The following KIF13A variants were observed in gnomAD, a reference collection of about 807,000 sequenced individuals.
KIF13A encodes kinesin-like protein KIF13A.
Under a neutral mutation model 212.2 loss-of-function variants are expected in KIF13A, and 79 were observed. The observed-to-expected ratio is 0.37, with a 90% CI of 0.31 to 0.45. KIF13A has a LOEUF of 0.45. Ranked by LOEUF, KIF13A falls within the 20% of genes least tolerant of loss-of-function variation. The probability of loss-of-function intolerance (pLI) is 1.00; values close to 1 mark genes in which losing one functional copy is unlikely to be tolerated. For synonymous variants in KIF13A, 789 were observed against 808.6 expected, an observed-to-expected ratio of 0.98 and a Z score of 0.41; for missense variants, 1,901 against 2,209.0, an observed-to-expected ratio of 0.86 and a Z score of 2.79.
Position 17,951,599 on chromosome 6 carries a change from A to C in KIF13A, c.146+35455T>G, listed in dbSNP as rs1232188692. Among the ~76,000 whole-genome samples, 4 of 152,042 alleles carry C rather than the reference A, an allele frequency of 2.6e-5. No individual in the cohort carries two copies. The highest frequency in any genetic ancestry group is 4.4e-5 in the Non-Finnish European group (3 of 68,022). ...ACCCCCCTCAAAAAATGCCATATCC[A>C]TCGGCAGTCACTCTCCATTTCCCCC... On this transcript the variant is annotated intron_variant, in intron 2 of 38. Transcript: ENST00000259711. The surrounding 1 kb of genome is among the most constrained non-coding windows in gnomAD (Gnocchi z 4.9).
At position 17,774,634 on chromosome 6, in the gene KIF13A, G is replaced by A. The variant is rs530391053; in HGVS notation, c.4218+381C>T. Among the ~76,000 whole-genome samples the A allele has an allele frequency of 4.6e-5, 7 of 152,230 alleles. No individual in the cohort carries two copies. The East Asian group carries it at 9.6e-4, about 21-fold the overall frequency. On this transcript the variant is annotated intron_variant, in intron 35 of 38. Coordinates refer to ENST00000259711, the MANE Select transcript of KIF13A (RefSeq NM_022113.6). ...ACTAAAAATACAAAATTAGCCAGGT[G>A]TGGTGGCAAATGACTATAATCCCAG...
intron 18 of KIF13A, among the ~76,000 whole-genome samples, chr6:17,805,904 A>C (rs1762900208): frequency 6.8e-6 from 1 of 147,008 alleles, no homozygotes; most frequent in South Asian, 2.2e-4. Context: ...GTATTGTTAA[A>C]TATTCTTCAT....
In KIF13A at chr6:17,861,152, C is replaced by A. The variant is rs141813168; in HGVS notation, c.221-5030G>T. Among the ~76,000 whole-genome samples the A allele has an allele frequency of 3.3e-4, 50 of 152,126 alleles. No homozygotes were observed. In the East Asian group the frequency reaches 9.3e-3, roughly 28 times the overall value. The stretch of plus-strand genomic sequence containing the variant: ...TATTCATAATTGGAAAAGAAAAAAT[C>A]TGAGAAAAACAACATAAAAAATTGA... On this transcript the variant is annotated intron_variant, in intron 4 of 38. Transcript: ENST00000259711.
chr6:17,771,045 G>T lies in KIF13A; in HGVS notation c.4581+69C>A. On this transcript the variant is annotated intron_variant, in intron 38 of 38. Coordinates refer to ENST00000259711, the MANE Select transcript of KIF13A (RefSeq NM_022113.6). The surrounding 1 kb of genome is among the most constrained non-coding windows in gnomAD (Gnocchi z 5.4). Reference sequence around the variant, plus strand: ...ATGTCTTAATTTCTTCTAGCATTTGGATGATTGTCTGTGAAAGGGCCTTAA... The same window carrying T: ...ATGTCTTAATTTCTTCTAGCATTTGTATGATTGTCTGTGAAAGGGCCTTAA... 1 of 972,788 alleles carries T rather than the reference G, an allele frequency of 1.0e-6. No individual in the cohort carries two copies. The highest frequency in any genetic ancestry group is 1.6e-6 in the Non-Finnish European group (1 of 623,040). 60.3% of individuals were successfully genotyped at this position (972,788 alleles called of 1,614,324 possible).
At chr6:17,817,261 G>T (rs1273053024) in intron 16 of KIF13A, 28 bp from the exon 17 acceptor site, 1 of 1,597,302 alleles carries the variant, frequency 6.3e-7, no homozygotes, top group African/African-American at 1.3e-5. Flanking sequence ...AAGGCAAGGT[G>T]TCTTAGTGGC....
intron 2 of KIF13A, among the ~76,000 whole-genome samples, chr6:17,970,619 T>C (rs1779736705): frequency 6.6e-6 from 1 of 152,210 alleles, no homozygotes; most frequent in African/African-American, 2.4e-5. Flanking sequence ...TCTTTATTAA[T>C]CTTAATGCAA....
rs531460702 is a variant in KIF13A at position 17,951,073 on chromosome 6, A to G, written c.146+35981T>C. 9.3e-7 allele frequency: 1 copy of G among 1,077,118 alleles called. No homozygotes were observed. Among genetic ancestry groups the G allele is most frequent in the Non-Finnish European group, 1.1e-6 (1 of 890,820 alleles). 66.7% of individuals were successfully genotyped at this position (1,077,118 alleles called of 1,614,324 possible). On this transcript the variant is annotated intron_variant, in intron 2 of 38. Transcript: ENST00000259711. This position sits in a 1 kb window ranked among gnomAD's most constrained non-coding sequence, Gnocchi z 4.9. ...TAGTACACCTAAGGACACCTAAGGA[A>G]TTGTACTTATTATATATAACACTTT...
chr6:17,820,640 G>A lies in KIF13A; in HGVS notation c.1787-3407C>T, dbSNP rs552093244. 6.5e-4 allele frequency among the ~76,000 whole-genome samples: 99 copies of A among 152,232 alleles called. 2 individuals are homozygous for A. The highest frequency in any genetic ancestry group is 6.8e-3 in the Middle Eastern group (2 of 294). ...TTTTTCCTATCATTTTCCTTCTCTT[G>A]AATGAACTGTTTTAAATAGTGAGCC... On this transcript the variant is annotated intron_variant, in intron 16 of 38. Coordinates refer to ENST00000259711, the MANE Select transcript of KIF13A (RefSeq NM_022113.6).
In KIF13A at chr6:17,984,682, G is replaced by A. The variant is rs1229436536; in HGVS notation, c.146+2372C>T. The A allele has an allele frequency of 7.1e-6, 2 of 283,176 alleles. No homozygotes were observed. The highest frequency in any genetic ancestry group is 1.1e-5 in the Non-Finnish European group (2 of 188,264). 17.5% of individuals were successfully genotyped at this position (283,176 alleles called of 1,614,324 possible). The stretch of plus-strand genomic sequence containing the variant: ...CACTAACCTTCAATTTCTATCCATG[G>A]CTAATTCATTGGTAATTTCTTGCAA... On this transcript the variant is annotated intron_variant, in intron 2 of 38. Coordinates refer to ENST00000259711, the MANE Select transcript of KIF13A (RefSeq NM_022113.6). The surrounding 1 kb of genome is among the most constrained non-coding windows in gnomAD (Gnocchi z 5.0).
Position 17,934,052 on chromosome 6 carries a change from T to C in KIF13A, c.147-35872A>G, listed in dbSNP as rs1776241761. Reference sequence around the variant, plus strand: ...CTTTTATAACTCAATTCAATCTAAATTGTGTCGTTAGGGTCAACTTTTATT... The same window carrying C: ...CTTTTATAACTCAATTCAATCTAAACTGTGTCGTTAGGGTCAACTTTTATT... On this transcript the variant is annotated intron_variant, in intron 2 of 38. Coordinates refer to ENST00000259711, the MANE Select transcript of KIF13A (RefSeq NM_022113.6). The surrounding 1 kb of genome is among the most constrained non-coding windows in gnomAD (Gnocchi z 5.4). Among the ~76,000 whole-genome samples the C allele has an allele frequency of 6.6e-6, 1 of 152,338 alleles. No homozygotes were observed.
Position 17,837,525 on chromosome 6 carries a change from C to A in KIF13A, c.889G>T (p.Gly297Cys), listed in dbSNP as rs1175467159. The A allele has an allele frequency of 5.0e-6, 8 of 1,609,882 alleles. No individual in the cohort carries two copies. The highest frequency in any genetic ancestry group is 1.3e-5 in the African/African-American group (1 of 74,870). ...SSLADQAAGK[G>C]KSKFVPYRDS... ...CGATAAGGCACAAATTTGCTTTTAC[C>A]CTTGCCAGCTGCCTGGTCAGCCAGT... Residue 297 changes from glycine to cysteine, a missense_variant, in exon 10 of 39, where the codon GGT becomes TGT. By Grantham distance (159) the Gly-to-Cys change is radical. Around this residue, in one of 5 missense-constraint regions of KIF13A, gnomAD observed 506 missense variants for 637.4 expected, o/e 0.79. Coordinates refer to ENST00000259711, the MANE Select transcript of KIF13A (RefSeq NM_022113.6). This position sits in a 1 kb window ranked among gnomAD's most constrained non-coding sequence, Gnocchi z 5.4.
intron 38 of KIF13A, among the ~76,000 whole-genome samples, chr6:17,766,536 C>G (rs553250028): frequency 2.0e-5 from 3 of 152,150 alleles, no homozygotes; most frequent in South Asian, 2.1e-4. Flanking sequence ...CCGTGCCCGG[C>G]TAGGATTTAT....
rs1218975137 is a variant in KIF13A at position 17,984,331 on chromosome 6, A to T, written c.146+2723T>A. Among the ~76,000 whole-genome samples the T allele has an allele frequency of 6.6e-6, 1 of 152,178 alleles. No homozygotes were observed. Among genetic ancestry groups the T allele is most frequent in the Non-Finnish European group, 1.5e-5 (1 of 68,024 alleles). ...TGAGCATGGTACTGAAATGATCTGA[A>T]CTTCATAAATGTCTCCTGGAGAGCA... is the stretch of plus-strand genomic sequence containing the variant. On this transcript the variant is annotated intron_variant, in intron 2 of 38. Coordinates refer to ENST00000259711, the MANE Select transcript of KIF13A (RefSeq NM_022113.6). The surrounding 1 kb of genome is among the most constrained non-coding windows in gnomAD (Gnocchi z 5.0).
Position 17,787,341 on chromosome 6 carries a change from A to G in KIF13A, c.3361+435T>C, listed in dbSNP as rs1456012919. On this transcript the variant is annotated intron_variant, in intron 27 of 38. Coordinates refer to ENST00000259711, the MANE Select transcript of KIF13A (RefSeq NM_022113.6). This position sits in a 1 kb window ranked among gnomAD's most constrained non-coding sequence, Gnocchi z 4.6. ...TGTATAATATGATTGACTGATGTCT[A>G]TAATTGTTACAAGTTCACAAAACTA... Among the ~76,000 whole-genome samples the G allele has an allele frequency of 6.6e-6, 1 of 152,200 alleles. No individual in the cohort carries two copies. The highest frequency in any genetic ancestry group is 2.4e-5 in the African/African-American group (1 of 41,454).
rs1346012564 is a variant in KIF13A, at chr6:17,967,228, C to T, written c.146+19826G>A. ...GCTGTAAATTTTTAGATAGTGCTAC[C>T]GCCTCAAGGCAATATGCAATTGCTG... is the stretch of plus-strand genomic sequence containing the variant. On this transcript the variant is annotated intron_variant, in intron 2 of 38. Coordinates refer to ENST00000259711, the MANE Select transcript of KIF13A (RefSeq NM_022113.6). The surrounding 1 kb of genome is among the most constrained non-coding windows in gnomAD (Gnocchi z 4.1). Among the ~76,000 whole-genome samples, 1 of 152,098 alleles carries T rather than the reference C, an allele frequency of 6.6e-6. No homozygotes were observed. Among genetic ancestry groups the T allele is most frequent in the Non-Finnish European group, 1.5e-5 (1 of 68,018 alleles).
In KIF13A at chr6:17,862,776, A is replaced by G. The variant is rs1266100642; in HGVS notation, c.221-6654T>C. 3.3e-5 allele frequency among the ~76,000 whole-genome samples: 5 copies of G among 152,048 alleles called. No homozygotes were observed. The South Asian group carries it at 8.3e-4, about 25-fold the overall frequency. ...AACCTGGCTAACATGGTGAAATCCC[A>G]TCTCTACTAAAAATATAAAAAATTA... is the stretch of plus-strand genomic sequence containing the variant. On this transcript the variant is annotated intron_variant, in intron 4 of 38. Transcript: ENST00000259711.
rs896995580 is a variant in KIF13A, at chr6:17,873,495, C to G, written c.160-58G>C. The G allele has an allele frequency of 2.7e-5, 32 of 1,197,906 alleles. No individual in the cohort carries two copies. In the Admixed American group the frequency reaches 5.3e-4, roughly 20 times the overall value. 74.2% of individuals were successfully genotyped at this position (1,197,906 alleles called of 1,614,324 possible). A position where few individuals can be genotyped will look rare whatever the true frequency, so the allele number is the denominator to read the frequency against. On this transcript the variant is annotated intron_variant, in intron 3 of 38. Transcript: ENST00000259711. ...ATTAATTAACTTCTTATGAGTAAAT[C>G]AGACTAAAATAAATCACAGGTGAAG... is the stretch of plus-strand genomic sequence containing the variant.
At chr6:17,782,183 C>T (rs1029425075) in intron 29 of KIF13A, among the ~76,000 whole-genome samples, 5 of 151,972 alleles carry the variant, frequency 3.3e-5, no homozygotes, top group Admixed American at 1.3e-4. Context: ...GATCCACCCG[C>T]CTCAGCCTCC....
rs561202901 is a variant in KIF13A at position 17,836,960 on chromosome 6, A to G, written c.1073T>C (p.Val358Ala). 1 of 1,613,858 alleles carries G rather than the reference A, an allele frequency of 6.2e-7. No homozygotes were observed. Among genetic ancestry groups the G allele is most frequent in the East Asian group, 2.2e-5 (1 of 44,866 alleles). Reference protein sequence around the residue: ...RAKRIVNHAVVNEDPNAKVIR... With the variant: ...RAKRIVNHAVANEDPNAKVIR... ...CACTTTTGCGTTGGGGTCCTCATTC[A>G]CAACAGCATGGTTCACAATCCTTTT... Residue 358 changes from valine (V) to alanine (A), a missense_variant, in exon 11 of 39, where the codon GTG (valine) becomes GCG (alanine). Val to Ala is a moderately conservative substitution (Grantham distance 64). Around this residue, in one of 5 missense-constraint regions of KIF13A, gnomAD observed 506 missense variants for 637.4 expected, o/e 0.79. Coordinates refer to ENST00000259711, the MANE Select transcript of KIF13A (RefSeq NM_022113.6).
Sources: gnomAD v4.1 joint callset for allele counts (sites outside exome capture counted in the v4.1 genomes callset) on GRCh38, gnomAD v4.1.1 for gene constraint, gnomAD v4.1.1 regional missense constraint, Gnocchi (gnomAD v3.1) non-coding constraint, MANE v1.5 for transcripts, NCBI Gene and HGNC (gene_info 2026-07-23, HGNC 2026-07-21) for gene names.